Variants in EYA1 observed in about 807,000 individuals in gnomAD.
EYA1 encodes EYA transcriptional coactivator and phosphatase 1, also known as protein phosphatase EYA1.
Under a neutral mutation model 82.0 loss-of-function variants are expected in EYA1, and 16 were observed. That is an observed-to-expected ratio of 0.20 (90% CI 0.13 to 0.30). The LOEUF (loss-of-function observed/expected upper bound fraction) is 0.30. Ranked by LOEUF, EYA1 falls within the 10% of genes least tolerant of loss-of-function variation. EYA1 has a pLI of 1.00. For missense variants in EYA1, 633 were observed against 730.7 expected, an observed-to-expected ratio of 0.87 and a Z score of 1.54; for synonymous variants, 261 against 264.4, an observed-to-expected ratio of 0.99 and a Z score of 0.12.
chr8:71,247,725 A>C (rs1432824613), intron 11 of EYA1, among the ~76,000 whole-genome samples: 2 of 152,304 alleles, frequency 1.3e-5, no homozygotes, highest in Middle Eastern at 3.4e-3. Flanking sequence ...TGCTGGAAAA[A>C]GCAAATGCTC....
At chr8:71,416,004 C>A (rs181896572) in intron 2 of EYA1, among the ~76,000 whole-genome samples, 1 of 152,196 alleles carries the variant, frequency 6.6e-6, no homozygotes, top group Non-Finnish European at 1.5e-5. Context: ...TTGTCCCCTG[C>A]CACCCTGGAT....
intron 2 of EYA1, among the ~76,000 whole-genome samples, chr8:71,393,766 G>T (rs557409008): frequency 3.3e-5 from 5 of 152,328 alleles, no homozygotes; most frequent in African/African-American, 1.2e-4. Context: ...GTGTGCATGT[G>T]TCTTAATAGC....
chr8:71,262,472 A>G (rs1434995881), intron 11 of EYA1, among the ~76,000 whole-genome samples: 1 of 152,096 alleles, frequency 6.6e-6, no homozygotes. Context: ...TGAAGTACTT[A>G]TGAGTATTTT....
At chr8:71,413,195 C>CA (rs1341198436) in intron 2 of EYA1, among the ~76,000 whole-genome samples, 1 of 152,070 alleles carries the variant, frequency 6.6e-6, no homozygotes, top group Non-Finnish European at 1.5e-5. Context: ...TTTAAAATGT[C>CA]AAAAAAGTGC....
intron 2 of EYA1, among the ~76,000 whole-genome samples, chr8:71,393,243 T>A (rs1268836369): frequency 6.6e-6 from 1 of 152,100 alleles, no homozygotes; most frequent in Non-Finnish European, 1.5e-5. Flanking sequence ...GTGAAGGACA[T>A]ATAGATTCTA....
intron 12 of EYA1, 34 bp from the exon 13 acceptor site, chr8:71,217,057 T>G (rs1199086224): frequency 1.3e-6 from 2 of 1,514,372 alleles, no homozygotes; most frequent in Admixed American, 3.4e-5. Context: ...ATGTCAATTT[T>G]TTAAGAGTAC....
intron 7 of EYA1, among the ~76,000 whole-genome samples, chr8:71,314,335 A>G (rs930694501): frequency 6.6e-6 from 1 of 152,168 alleles, no homozygotes; most frequent in Non-Finnish European, 1.5e-5. Context: ...ATTAATCACA[A>G]TTAAGTACCC....
intron 2 of EYA1, among the ~76,000 whole-genome samples, chr8:71,379,805 C>T (rs1828590356): frequency 6.6e-6 from 1 of 150,704 alleles, no homozygotes; most frequent in African/African-American, 2.4e-5. Context: ...TACAGAGCAC[C>T]CTTGGCATAA....
intron 3 of EYA1, among the ~76,000 whole-genome samples, chr8:71,351,576 G>A (rs1056299826): frequency 1.3e-5 from 2 of 152,188 alleles, no homozygotes; most frequent in African/African-American, 4.8e-5. Flanking sequence ...TATTATAACT[G>A]AAGAACATTT....
At chr8:71,510,371 G>C (rs1812506724) in intron 2 of EYA1, among the ~76,000 whole-genome samples, 1 of 152,126 alleles carries the variant, frequency 6.6e-6, no homozygotes, top group Non-Finnish European at 1.5e-5. Context: ...GAGATTTTGA[G>C]TTTTTTATGT....
At chr8:71,462,769 C>T (rs1808463883) in intron 2 of EYA1, among the ~76,000 whole-genome samples, 1 of 152,168 alleles carries the variant, frequency 6.6e-6, no homozygotes, top group African/African-American at 2.4e-5. Flanking sequence ...GCAGGTCCTG[C>T]CCAGGCATGT....
rs73288372 is a variant in EYA1, at chr8:71,283,259, T to C, written c.827-11362A>G. On this transcript the variant is annotated intron_variant, in intron 9 of 17. Transcript: ENST00000340726. ...CTCCCCAGAATTCTTTCCCCAGATA[T>C]TAAGGTGGCTCTCTCCTCCCTTCCT... Among the ~76,000 whole-genome samples the C allele has an allele frequency of 9.0e-3, 1,367 of 152,186 alleles. 23 individuals carry two copies. Among genetic ancestry groups the C allele is most frequent in the African/African-American group, 0.031 (1,297 of 41,498 alleles).
chr8:71,322,385 G>C, intron 4 of EYA1, 117 bp from the exon 5 acceptor site: 1 of 865,580 alleles, frequency 1.2e-6, no homozygotes, highest in Non-Finnish European at 1.9e-6. Flanking sequence ...TCAGATATTT[G>C]GTCTTTGTGA....
At chr8:71,373,327 A>AT (rs1485061225) in intron 2 of EYA1, among the ~76,000 whole-genome samples, 2 of 152,162 alleles carry the variant, frequency 1.3e-5, no homozygotes, top group Non-Finnish European at 1.5e-5. Flanking sequence ...TATCAGCTGC[A>AT]TTTTTATGCT....
At chr8:71,374,905 CT>C (rs1344185547) in intron 2 of EYA1, among the ~76,000 whole-genome samples, 1 of 152,126 alleles carries the variant, frequency 6.6e-6, no homozygotes, top group Non-Finnish European at 1.5e-5. Flanking sequence ...AAGATAACTA[CT>C]GCATGATCTT....
intron 11 of EYA1, among the ~76,000 whole-genome samples, chr8:71,259,991 T>C (rs557849513): frequency 4.6e-4 from 70 of 152,326 alleles, no homozygotes; most frequent in Middle Eastern, 3.4e-3. Context: ...TTAGTTTTAT[T>C]ATAAGAACCA....
intron 11 of EYA1, among the ~76,000 whole-genome samples, chr8:71,263,226 C>T (rs929049661): frequency 1.2e-4 from 18 of 152,192 alleles, no homozygotes; most frequent in Non-Finnish European, 4.4e-5. Flanking sequence ...AGGTCAATGG[C>T]ACAGGCAGAG....
intron 2 of EYA1, among the ~76,000 whole-genome samples, chr8:71,458,961 G>A (rs1333895619): frequency 6.6e-6 from 1 of 152,138 alleles, no homozygotes; most frequent in African/African-American, 2.4e-5. Context: ...AGGGTTCTAT[G>A]ACATTGACAA....
chr8:71,254,905 A>G (rs1814221122), intron 11 of EYA1, among the ~76,000 whole-genome samples: 1 of 143,552 alleles, frequency 7.0e-6, no homozygotes, highest in African/African-American at 2.6e-5. Flanking sequence ...CAGTTGCAGG[A>G]TGAAAAAACA....
Sources: allele counts gnomAD v4.1 joint callset (sites outside exome capture counted in the v4.1 genomes callset), GRCh38; gene constraint gnomAD v4.1.1; transcripts MANE v1.5; gene names NCBI Gene and HGNC (gene_info 2026-07-23, HGNC 2026-07-21).